BBS5: variants seen among roughly 807,000 people sequenced by gnomAD.
BBS5 encodes BBSome complex member BBS5.
BBS5 carries 39 observed loss-of-function variants against 50.2 expected under a neutral mutation model. That is an observed-to-expected ratio of 0.78 (90% CI 0.60 to 1.01). The LOEUF is 1.01. Among genes scored for constraint, BBS5 ranks in the 50% least tolerant of loss-of-function variants. The probability of loss-of-function intolerance (pLI) is 0.00; values close to 1 mark genes in which losing one functional copy is unlikely to be tolerated. For missense variants in BBS5, 356 were observed against 401.5 expected, an observed-to-expected ratio of 0.89 and a Z score of 0.97; for synonymous variants, 134 against 133.1, an observed-to-expected ratio of 1.01 and a Z score of -0.05.
At chr2:169,496,262 C>G (rs886922513) in intron 7 of BBS5, among the ~76,000 whole-genome samples, 4 of 152,156 alleles carry the variant, frequency 2.6e-5, no homozygotes, top group African/African-American at 9.7e-5. Flanking sequence ...TCTCCCAGGC[C>G]ACTGGTTTCA....
intron 8 of BBS5, 165 bp from the exon 9 acceptor site, chr2:169,499,320 GT>G: frequency 1.4e-6 from 1 of 702,314 alleles, no homozygotes; most frequent in South Asian, 2.0e-5. Context: ...GTGCTCTTCT[GT>G]TTTTGTATGT....
intron 1 of BBS5, among the ~76,000 whole-genome samples, chr2:169,481,623 G>GT (rs10646618): frequency 0.61 from 91,245 of 149,284 alleles, 28,703 homozygotes; most frequent in Non-Finnish European, 0.69. Context: ...ATTTTGCTAG[G>GT]TTTTTTTTTT....
intron 6 of BBS5, among the ~76,000 whole-genome samples, chr2:169,493,501 A>G (rs963425397): frequency 6.6e-6 from 1 of 152,194 alleles, no homozygotes; most frequent in African/African-American, 2.4e-5. Context: ...AAATACATCA[A>G]GAAGAAATTT....
chr2:169,497,534 A>G, intron 7 of BBS5, 93 bp from the exon 8 acceptor site: 1 of 784,156 alleles, frequency 1.3e-6, no homozygotes, highest in Non-Finnish European at 2.2e-6. Context: ...GACTATGAAA[A>G]GTAAATACTG....
intron 2 of BBS5, among the ~76,000 whole-genome samples, chr2:169,483,270 G>A (rs920613386): frequency 1.3e-5 from 2 of 152,136 alleles, no homozygotes; most frequent in East Asian, 3.9e-4. Context: ...CCTGTTGTAA[G>A]CCTGCTTCTC....
intron 2 of BBS5, among the ~76,000 whole-genome samples, chr2:169,485,937 T>C (rs1026789932): frequency 7.9e-5 from 12 of 152,230 alleles, no homozygotes; most frequent in Admixed American, 1.3e-4. Flanking sequence ...GCTCCCTCTT[T>C]TGTAAATAAA....
rs770122206 is a variant in BBS5, at chr2:169,504,578, G to GT, written c.1024dup (p.Ter342LeufsTer38). 1 of 1,606,192 alleles carries GT rather than the reference G, an allele frequency of 6.2e-7. No individual in the cohort carries two copies. The highest frequency in any genetic ancestry group is 1.1e-5 in the South Asian group (1 of 90,932). Reference sequence around the variant, plus strand: ...CTACAGGGACTTTGGGAAGTAATGAGTTGATTGACCTTGAGTTGAGATGGA... The same window carrying GT: ...CTACAGGGACTTTGGGAAGTAATGAGTTTGATTGACCTTGAGTTGAGATGGA... On this transcript the variant is annotated frameshift_variant, in exon 12 of 12. Coordinates refer to ENST00000295240, the MANE Select transcript of BBS5 (RefSeq NM_152384.3). LOFTEE classifies it high-confidence loss of function.
chr2:169,504,640 T>C lies in BBS5; in HGVS notation c.*58T>C, dbSNP rs1574345424. On this transcript the variant is annotated 3_prime_UTR_variant, in exon 12 of 12. Coordinates refer to ENST00000295240, the MANE Select transcript of BBS5 (RefSeq NM_152384.3). The stretch of plus-strand genomic sequence containing the variant: ...GATATCTCTAGTTTAAAGATACTAG[T>C]CACCTGCCATAAGTCATGGAATAGT... The C allele has an allele frequency of 7.7e-7, 1 of 1,302,006 alleles. No individual in the cohort carries two copies. The allele number at this position is 1,302,006 out of a possible 1,614,324, so 80.7% of individuals were successfully genotyped here. A position where few individuals can be genotyped will look rare whatever the true frequency, so the allele number is the denominator to read the frequency against.
chr2:169,496,292 C>A (rs557391462), intron 7 of BBS5, among the ~76,000 whole-genome samples: 213 of 152,338 alleles, frequency 1.4e-3, no homozygotes, highest in Non-Finnish European at 2.5e-3. Context: ...TTCCACTAAC[C>A]AAGCTTAGTC....
intron 7 of BBS5, among the ~76,000 whole-genome samples, chr2:169,494,344 T>C (rs984376969): frequency 8.5e-5 from 13 of 152,234 alleles, no homozygotes; most frequent in Non-Finnish European, 1.6e-4. Flanking sequence ...TAATACAAGC[T>C]GGATTCATAC....
chr2:169,482,400 A>G (rs1683413412), intron 2 of BBS5, 67 bp downstream of exon 2: 1 of 1,015,834 alleles, frequency 9.8e-7, no homozygotes, highest in Non-Finnish European at 1.6e-6. Context: ...CATATTAGCT[A>G]GAGAATATAT....
At chr2:169,499,395 A>G (rs892344039) in intron 8 of BBS5, 91 bp from the exon 9 acceptor site, 3 of 1,348,346 alleles carry the variant, frequency 2.2e-6, no homozygotes, top group African/African-American at 1.5e-5. Flanking sequence ...ATGCTCTAAA[A>G]TAAGGACAAA....
chr2:169,483,766 C>A (rs1232677991), intron 2 of BBS5, among the ~76,000 whole-genome samples: 1 of 152,126 alleles, frequency 6.6e-6, no homozygotes, highest in Non-Finnish European at 1.5e-5. Flanking sequence ...ATGCTTAGAT[C>A]ACACTTCTGA....
intron 2 of BBS5, chr2:169,482,584 A>G: frequency 4.4e-6 from 2 of 453,468 alleles, no homozygotes; most frequent in Non-Finnish European, 8.1e-6. Flanking sequence ...ACTCAAGTAG[A>G]CCTGTTTGCA....
At chr2:169,479,937 T>C (rs1683360111) in intron 1 of BBS5, among the ~76,000 whole-genome samples, 1 of 152,218 alleles carries the variant, frequency 6.6e-6, no homozygotes, top group Non-Finnish European at 1.5e-5. Context: ...GCGTCCCGTA[T>C]ACACCCACGT....
At chr2:169,484,522 C>T (rs539177135) in intron 2 of BBS5, among the ~76,000 whole-genome samples, 25 of 152,292 alleles carry the variant, frequency 1.6e-4, no homozygotes, top group African/African-American at 6.0e-4. Flanking sequence ...CTAGCCATCT[C>T]CCTCCCCTCC....
rs538333539 is a variant in BBS5 at position 169,502,911 on chromosome 2, G to C, written c.817-184G>C. On this transcript the variant is annotated intron_variant, in intron 9 of 11. Transcript: ENST00000295240. ...GGTTCTTTTCGTGATGCTGACTTCA[G>C]ATATGAAAGTTTAGGTTTAATTGAT... Among the ~76,000 whole-genome samples the C allele has an allele frequency of 3.3e-4, 51 of 152,250 alleles. No homozygotes were observed. The South Asian group carries it at 8.3e-3, about 25-fold the overall frequency.
intron 2 of BBS5, among the ~76,000 whole-genome samples, chr2:169,485,502 T>C (rs1243248723): frequency 6.6e-6 from 1 of 152,242 alleles, no homozygotes; most frequent in African/African-American, 2.4e-5. Context: ...TATTATTTTC[T>C]TCTTAAAGAT....
chr2:169,501,918 CTAGCTGTAA>C (rs1374746441), intron 9 of BBS5, among the ~76,000 whole-genome samples: 1 of 152,190 alleles, frequency 6.6e-6, no homozygotes, highest in Non-Finnish European at 1.5e-5. Flanking sequence ...ATAATAGCAG[CTAGCTGTAA>C]TAGCTCACTG....
Sources: gnomAD v4.1 joint callset for allele counts (sites outside exome capture counted in the v4.1 genomes callset) on GRCh38, gnomAD v4.1.1 for gene constraint, MANE v1.5 for transcripts, NCBI Gene and HGNC (gene_info 2026-07-23, HGNC 2026-07-21) for gene names.